The following KLHL14 variants were observed in gnomAD, a reference collection of about 807,000 sequenced individuals.
KLHL14 encodes the protein kelch like family member 14, also known as kelch-like protein 14.
Under a neutral mutation model 64.3 loss-of-function variants are expected in KLHL14, and 22 were observed. That is an observed-to-expected ratio of 0.34 (90% CI 0.24 to 0.49). The LOEUF is 0.49. Among genes scored for constraint, KLHL14 ranks in the 20% least tolerant of loss-of-function variants. The pLI is 0.99. For synonymous variants in KLHL14, 322 were observed against 333.4 expected, an observed-to-expected ratio of 0.97 and a Z score of 0.37; for missense variants, 661 against 789.0, an observed-to-expected ratio of 0.84 and a Z score of 1.94.
At chr18:32,715,536 CCTTTA>C (rs758841524) in intron 3 of KLHL14, among the ~76,000 whole-genome samples, 324 of 151,930 alleles carry the variant, frequency 2.1e-3, no homozygotes, top group Non-Finnish European at 3.3e-3. Flanking sequence ...TTCAACCTAT[CCTTTA>C]CTTTATTGAA....
intron 3 of KLHL14, 61 bp downstream of exon 3, chr18:32,741,867 C>T (rs1244760111): frequency 8.3e-6 from 12 of 1,447,836 alleles, no homozygotes; most frequent in Non-Finnish European, 1.1e-5. Flanking sequence ...TCAAATTCAT[C>T]AAGACAGCGC....
intron 2 of KLHL14, chr18:32,743,523 T>C (rs1433264572): frequency 6.6e-6 from 1 of 152,194 alleles, no homozygotes; most frequent in Non-Finnish European, 1.5e-5. Context: ...CACTCATAGA[T>C]AGAGGGAGCT....
chr18:32,740,536 G>A (rs2050190907), intron 3 of KLHL14, among the ~76,000 whole-genome samples: 1 of 151,986 alleles, frequency 6.6e-6, no homozygotes, highest in East Asian at 1.9e-4. Context: ...TAGTCTCCAT[G>A]TTTCTTTCTA....
intron 3 of KLHL14, among the ~76,000 whole-genome samples, chr18:32,705,720 CTAAA>C (rs894225129): frequency 6.6e-6 from 1 of 152,084 alleles, no homozygotes; most frequent in African/African-American, 2.4e-5. Context: ...AAGACTGTCT[CTAAA>C]TAAATAAATA....
chr18:32,724,276 C>A (rs548086962), intron 3 of KLHL14, among the ~76,000 whole-genome samples: 2 of 152,240 alleles, frequency 1.3e-5, no homozygotes, highest in East Asian at 3.9e-4. Flanking sequence ...TGTTTATCTC[C>A]TGGGGTTATT....
intron 4 of KLHL14, among the ~76,000 whole-genome samples, chr18:32,689,023 T>C (rs1242929760): frequency 6.6e-6 from 1 of 152,202 alleles, no homozygotes; most frequent in African/African-American, 2.4e-5. Context: ...GGATGGCTGC[T>C]AGGTTTTTAG....
chr18:32,753,469 G>A (rs984681983), intron 2 of KLHL14, among the ~76,000 whole-genome samples: 2 of 150,874 alleles, frequency 1.3e-5, no homozygotes, highest in African/African-American at 4.9e-5. Flanking sequence ...CTTCCAGAAT[G>A]TTACTGTGTC....
At chr18:32,762,097 A>T (rs557339194) in intron 2 of KLHL14, among the ~76,000 whole-genome samples, 89 of 151,568 alleles carry the variant, frequency 5.9e-4, no homozygotes, top group African/African-American at 2.0e-3. Flanking sequence ...AATGGATTTA[A>T]AAAAAAAACA....
At chr18:32,760,278 T>C (rs141064517) in intron 2 of KLHL14, among the ~76,000 whole-genome samples, 8 of 151,888 alleles carry the variant, frequency 5.3e-5, no homozygotes, top group Middle Eastern at 3.4e-3. Flanking sequence ...CAGAAATCAC[T>C]CTATAGAAAA....
chr18:32,709,202 A>T (rs897333140), intron 3 of KLHL14, among the ~76,000 whole-genome samples: 1 of 152,068 alleles, frequency 6.6e-6, no homozygotes, highest in Admixed American at 6.6e-5. Context: ...CGGTGCTCCA[A>T]CCATACCGGC....
chr18:32,678,256 T>A (rs2049820866), intron 7 of KLHL14, among the ~76,000 whole-genome samples: 1 of 152,182 alleles, frequency 6.6e-6, no homozygotes, highest in Non-Finnish European at 1.5e-5. Flanking sequence ...TTAATGTTTT[T>A]ATCTATTTTT....
At chr18:32,704,243 A>G (rs1325580722) in intron 3 of KLHL14, among the ~76,000 whole-genome samples, 1 of 152,202 alleles carries the variant, frequency 6.6e-6, no homozygotes, top group Non-Finnish European at 1.5e-5. Flanking sequence ...AGTTTAAATT[A>G]TCTTAGATGA....
chr18:32,764,112 A>T (rs1248969879), intron 2 of KLHL14, among the ~76,000 whole-genome samples: 1 of 152,204 alleles, frequency 6.6e-6, no homozygotes, highest in Non-Finnish European at 1.5e-5. Context: ...TAGTTTGCCT[A>T]GATTAGTTTG....
chr18:32,677,646 TTAAG>T (rs2049818217), intron 7 of KLHL14, among the ~76,000 whole-genome samples: 1 of 152,202 alleles, frequency 6.6e-6, no homozygotes, highest in South Asian at 2.1e-4. Context: ...AAATAATAGT[TTAAG>T]CAAGCATTGT....
chr18:32,722,047 T>G (rs1295604943), intron 3 of KLHL14, among the ~76,000 whole-genome samples: 1 of 152,158 alleles, frequency 6.6e-6, no homozygotes, highest in Admixed American at 6.6e-5. Flanking sequence ...TCTCATGAGA[T>G]CTGATGGTTT....
intron 2 of KLHL14, among the ~76,000 whole-genome samples, chr18:32,759,278 T>C (rs1236690443): frequency 6.6e-6 from 1 of 152,134 alleles, no homozygotes; most frequent in African/African-American, 2.4e-5. Context: ...CTAAAATGGA[T>C]AATGCTTCAG....
At chr18:32,754,357 G>A (rs1038978990) in intron 2 of KLHL14, among the ~76,000 whole-genome samples, 14 of 152,204 alleles carry the variant, frequency 9.2e-5, no homozygotes, top group African/African-American at 2.9e-4. Flanking sequence ...AGAGATAAGA[G>A]TGACTTTTTG....
chr18:32,686,768 T>C (rs1360727070), intron 5 of KLHL14, among the ~76,000 whole-genome samples: 1 of 152,146 alleles, frequency 6.6e-6, no homozygotes, highest in Non-Finnish European at 1.5e-5. Flanking sequence ...TAATTTAATA[T>C]TGAGTATTGA....
intron 3 of KLHL14, among the ~76,000 whole-genome samples, chr18:32,739,673 T>C (rs2050185357): frequency 6.6e-6 from 1 of 150,632 alleles, no homozygotes; most frequent in African/African-American, 2.4e-5. Context: ...CACACACACA[T>C]TTATTTCCTT....
Sources: gnomAD v4.1 joint callset for allele counts (sites outside exome capture counted in the v4.1 genomes callset) on GRCh38, gnomAD v4.1.1 for gene constraint, MANE v1.5 for transcripts, NCBI Gene and HGNC (gene_info 2026-07-23, HGNC 2026-07-21) for gene names.